PEBP4: variants seen among roughly 807,000 people sequenced by gnomAD.
PEBP4 encodes the protein phosphatidylethanolamine binding protein 4.
Under a neutral mutation model 23.9 loss-of-function variants are expected in PEBP4, and 22 were observed. That is an observed-to-expected ratio of 0.92 (90% CI 0.66 to 1.31). The LOEUF is 1.31. Among genes scored for constraint, PEBP4 ranks in the 40% most tolerant of loss-of-function variants. PEBP4 has a pLI of 0.00. For missense variants in PEBP4, 324 were observed against 281.7 expected, an observed-to-expected ratio of 1.15 and a Z score of -1.07; for synonymous variants, 112 against 99.3, an observed-to-expected ratio of 1.13 and a Z score of -0.76.
chr8:22,796,425 C>T (rs762061431), intron 4 of PEBP4, among the ~76,000 whole-genome samples: 22 of 152,160 alleles, frequency 1.4e-4, no homozygotes, highest in South Asian at 4.1e-4. Flanking sequence ...AGTAAATCAT[C>T]GTTAAGTTGA....
intron 5 of PEBP4, among the ~76,000 whole-genome samples, chr8:22,726,770 G>A (rs575263264): frequency 6.6e-6 from 1 of 152,282 alleles, no homozygotes; most frequent in South Asian, 2.1e-4. Flanking sequence ...TTGGTGCCCA[G>A]TGCTGTGCCA....
chr8:22,764,295 G>A (rs1389678618), intron 4 of PEBP4, among the ~76,000 whole-genome samples: 3 of 152,052 alleles, frequency 2.0e-5, no homozygotes, highest in Non-Finnish European at 2.9e-5. Context: ...AATGGAGAAG[G>A]ATAAACTCTT....
intron 4 of PEBP4, among the ~76,000 whole-genome samples, chr8:22,790,080 T>G (rs1806108774): frequency 6.6e-6 from 1 of 152,226 alleles, no homozygotes; most frequent in African/African-American, 2.4e-5. Context: ...CAGATCTCCC[T>G]GCTCCTCCCC....
intron 4 of PEBP4, among the ~76,000 whole-genome samples, chr8:22,739,064 C>T (rs915834558): frequency 9.2e-5 from 14 of 152,134 alleles, no homozygotes. Context: ...CCAGGACAAA[C>T]AGACAACTGA....
chr8:22,891,881 G>T (rs1808502120), intron 3 of PEBP4, among the ~76,000 whole-genome samples: 1 of 152,212 alleles, frequency 6.6e-6, no homozygotes, highest in South Asian at 2.1e-4. Flanking sequence ...AGACCATCTT[G>T]GCTGACACGG....
chr8:22,937,201 T>A (rs1225420579), intron 1 of PEBP4, among the ~76,000 whole-genome samples: 2 of 152,138 alleles, frequency 1.3e-5, no homozygotes, highest in South Asian at 4.1e-4. Flanking sequence ...TCTAATTTTT[T>A]AAAAAAGAAA....
intron 3 of PEBP4, among the ~76,000 whole-genome samples, chr8:22,903,043 A>G (rs1361392253): frequency 1.3e-5 from 2 of 152,332 alleles, no homozygotes; most frequent in East Asian, 3.9e-4. Context: ...GCCTGAAAAG[A>G]TGGCAGTGGT....
rs114130268 is a variant in PEBP4, at chr8:22,753,706, A to G, written c.358-26486T>C. ...ACCACTCCTTGTGGAGGAGAGGGGA[A>G]GGTGGGAGCCAGGGTCTGGGGCTTT... is the stretch of plus-strand genomic sequence containing the variant. On this transcript the variant is annotated intron_variant, in intron 4 of 6. Coordinates refer to ENST00000256404, the MANE Select transcript of PEBP4 (RefSeq NM_144962.3). Among the ~76,000 whole-genome samples the G allele has an allele frequency of 6.4e-3, 971 of 152,282 alleles. 14 individuals carry two copies. The highest frequency in any genetic ancestry group is 0.023 in the African/African-American group (941 of 41,562).
chr8:22,757,428 A>T (rs189282168), intron 4 of PEBP4: 13 of 152,228 alleles, frequency 8.5e-5, no homozygotes, highest in African/African-American at 3.1e-4. Context: ...ACTACCTTGT[A>T]CTCCCCCTGC....
At chr8:22,889,172 G>A (rs1165244590) in intron 3 of PEBP4, among the ~76,000 whole-genome samples, 1 of 152,242 alleles carries the variant, frequency 6.6e-6, no homozygotes, top group Non-Finnish European at 1.5e-5. Context: ...ACTTCTGAGA[G>A]CCTGAGTTTG....
intron 3 of PEBP4, among the ~76,000 whole-genome samples, chr8:22,883,042 G>A (rs1189033933): frequency 6.6e-6 from 1 of 152,088 alleles, no homozygotes; most frequent in Non-Finnish European, 1.5e-5. Flanking sequence ...TGCCTCTAGG[G>A]ATCTGTGATT....
chr8:22,867,305 A>G (rs1807924537), intron 3 of PEBP4, among the ~76,000 whole-genome samples: 1 of 152,130 alleles, frequency 6.6e-6, no homozygotes, highest in Admixed American at 6.5e-5. Flanking sequence ...GGTGGAGATC[A>G]TCGAGGATGG....
At chr8:22,748,153 C>G (rs1450336376) in intron 4 of PEBP4, among the ~76,000 whole-genome samples, 1 of 152,194 alleles carries the variant, frequency 6.6e-6, no homozygotes, top group Non-Finnish European at 1.5e-5. Flanking sequence ...CTGTGCCAAG[C>G]TCTGCTTACA....
chr8:22,852,298 G>A (rs1051571356), intron 3 of PEBP4, among the ~76,000 whole-genome samples: 4 of 152,154 alleles, frequency 2.6e-5, no homozygotes, highest in African/African-American at 9.7e-5. Flanking sequence ...TGAGTTTCTT[G>A]TTCTTCTTTT....
intron 3 of PEBP4, among the ~76,000 whole-genome samples, chr8:22,853,389 G>C (rs1007804421): frequency 6.6e-6 from 1 of 152,210 alleles, no homozygotes; most frequent in Non-Finnish European, 1.5e-5. Context: ...CATTATTTCT[G>C]CTTTCATACT....
At chr8:22,927,916 G>C (rs191595252), upstream of PEBP4, 1 of 584,582 alleles carries the variant, frequency 1.7e-6, no homozygotes, top group African/African-American at 1.9e-5. Flanking sequence ...GGGAGGACTG[G>C]GCCTCTTCCA....
intron 3 of PEBP4, among the ~76,000 whole-genome samples, chr8:22,853,163 T>C (rs2128767447): frequency 6.6e-6 from 1 of 152,382 alleles, no homozygotes; most frequent in East Asian, 1.9e-4. Flanking sequence ...GGAGGCTTCA[T>C]GACCAAGAAT....
chr8:22,722,036 G>A (rs1804529751), intron 6 of PEBP4, among the ~76,000 whole-genome samples: 1 of 152,098 alleles, frequency 6.6e-6, no homozygotes, highest in Non-Finnish European at 1.5e-5. Context: ...TGCCCCTCCA[G>A]GTTCGTCGTC....
Position 22,875,419 on chromosome 8 carries a change from A to G in PEBP4, c.258+44765T>C, listed in dbSNP as rs562237893. On this transcript the variant is annotated intron_variant, in intron 3 of 6. Transcript: ENST00000256404. ...AGTTTGTTGTGCGGATTACTTCATC[A>G]CCCAGGTATTAAACCCAGTACCCAA... 4.6e-5 allele frequency among the ~76,000 whole-genome samples: 7 copies of G among 152,138 alleles called. No homozygotes were observed. In the South Asian group the frequency reaches 1.5e-3, roughly 32 times the overall value.
Sources: allele counts gnomAD v4.1 joint callset (sites outside exome capture counted in the v4.1 genomes callset), GRCh38; gene constraint gnomAD v4.1.1; transcripts MANE v1.5; gene names NCBI Gene and HGNC (gene_info 2026-07-23, HGNC 2026-07-21).